NRG1: variants seen among roughly 807,000 people sequenced by gnomAD.
NRG1 encodes the protein neuregulin 1.
A neutral mutation model predicts 63.8 loss-of-function variants in NRG1; 18 were observed. The observed-to-expected ratio is 0.28, with a 90% CI of 0.19 to 0.42. NRG1 has a LOEUF of 0.42. Ranked by LOEUF, NRG1 falls within the 10% of genes least tolerant of loss-of-function variation. The pLI is 1.00. For synonymous variants in NRG1, 302 were observed against 301.3 expected (o/e 1.00, Z -0.02); for missense variants, 762 against 814.7 (o/e 0.94, Z 0.79).
intron 1 of NRG1, among the ~76,000 whole-genome samples, chr8:31,670,829 G>T (rs1807060029): frequency 6.6e-6 from 1 of 151,994 alleles, no homozygotes; most frequent in African/African-American, 2.4e-5. Context: ...TATGTTCAAG[G>T]GGGTGCATAT....
rs1264111970 is a variant in NRG1, at chr8:32,747,732, G to GTGTATATATATATATATATATA, written c.691+5000_691+5001insGTATATATATATATATATATAT. Among the ~76,000 whole-genome samples the GTGTATATATATATATATATATA allele has an allele frequency of 1.4e-3, 182 of 132,014 alleles. 1 individual carries two copies. Among genetic ancestry groups the GTGTATATATATATATATATATA allele is most frequent in the African/African-American group, 5.1e-3 (171 of 33,602 alleles). The allele number at this position is 132,014 out of a possible 152,430, so 86.6% of individuals were successfully genotyped here. On this transcript the variant is annotated intron_variant, in intron 7 of 11. Transcript: ENST00000356819. ...TGTTTGTGTGCATATATGTGTGTGTGTATATATATATATATATATATATAT... is the reference window on the plus strand; with the variant it reads ...TGTTTGTGTGCATATATGTGTGTGTGTGTATATATATATATATATATATATATATATATATATATATATATAT...
chr8:32,504,602 T>C (rs1056190930), intron 1 of NRG1, among the ~76,000 whole-genome samples: 2 of 152,114 alleles, frequency 1.3e-5, no homozygotes, highest in African/African-American at 4.8e-5. Flanking sequence ...TATTTTAAAA[T>C]TTAATTTATT....
chr8:32,391,308 A>G (rs1361979000), intron 1 of NRG1, among the ~76,000 whole-genome samples: 1 of 151,610 alleles, frequency 6.6e-6, no homozygotes, highest in African/African-American at 2.4e-5. Context: ...GGTTTTTTAA[A>G]TTTTTCATAG....
chr8:32,402,036 C>G (rs118007549), intron 1 of NRG1, among the ~76,000 whole-genome samples: 1 of 152,040 alleles, frequency 6.6e-6, no homozygotes, highest in African/African-American at 2.4e-5. Flanking sequence ...CTCAGTCACC[C>G]GAGTACCTGG....
chr8:32,007,747 C>T (rs1814016290), intron 1 of NRG1, among the ~76,000 whole-genome samples: 1 of 151,948 alleles, frequency 6.6e-6, no homozygotes, highest in Non-Finnish European at 1.5e-5. Context: ...TATTCACAGC[C>T]TCTGTGTTTT....
At chr8:32,140,483 G>A (rs1836105832) in intron 1 of NRG1, among the ~76,000 whole-genome samples, 1 of 149,386 alleles carries the variant, frequency 6.7e-6, no homozygotes, top group South Asian at 2.1e-4. Flanking sequence ...TTTTTTCTGA[G>A]AAAAGACCTC....
chr8:31,715,416 A>G (rs1174169834), intron 1 of NRG1, among the ~76,000 whole-genome samples: 14 of 152,198 alleles, frequency 9.2e-5, no homozygotes, highest in Admixed American at 9.2e-4. Flanking sequence ...ACTTGAATGC[A>G]TGGGCTGCTG....
At chr8:31,846,659 G>A (rs1765725225) in intron 1 of NRG1, among the ~76,000 whole-genome samples, 1 of 152,124 alleles carries the variant, frequency 6.6e-6, no homozygotes, top group Non-Finnish European at 1.5e-5. Flanking sequence ...GTGTCATAAG[G>A]GGAGTGCACA....
intron 1 of NRG1, among the ~76,000 whole-genome samples, chr8:32,060,282 T>C (rs963468803): frequency 2.0e-5 from 3 of 151,896 alleles, no homozygotes; most frequent in Non-Finnish European, 2.9e-5. Flanking sequence ...CTGCTTTTTT[T>C]TTTATCTAAT....
intron 1 of NRG1, among the ~76,000 whole-genome samples, chr8:32,011,828 C>T (rs369610188): frequency 3.3e-4 from 50 of 152,134 alleles, no homozygotes; most frequent in African/African-American, 9.6e-4. Context: ...AGATATTAAA[C>T]GAGACTTTTT....
chr8:32,689,782 A>T (rs1811117026), intron 5 of NRG1, among the ~76,000 whole-genome samples: 1 of 152,184 alleles, frequency 6.6e-6, no homozygotes, highest in African/African-American at 2.4e-5. Context: ...CATCGTTTTC[A>T]TAACCAAAAT....
chr8:32,737,966 C>T (rs904949548), intron 6 of NRG1, among the ~76,000 whole-genome samples: 1 of 152,132 alleles, frequency 6.6e-6, no homozygotes, highest in African/African-American at 2.4e-5. Context: ...AGCCACCACA[C>T]CTGGCCTGAA....
At chr8:32,332,543 A>G (rs920234521) in intron 1 of NRG1, among the ~76,000 whole-genome samples, 4 of 152,210 alleles carry the variant, frequency 2.6e-5, no homozygotes, top group Admixed American at 2.6e-4. Context: ...AAACACCTGT[A>G]TAGTTTCTAC....
chr8:32,346,548 T>C (rs1625650), intron 1 of NRG1, among the ~76,000 whole-genome samples: 151,153 of 151,156 alleles, frequency 1, 75,575 homozygotes, highest in Non-Finnish European at 1. Context: ...GAGGCATCTT[T>C]TGGGAAAAAA....
At chr8:32,469,293 A>G (rs942243224) in intron 1 of NRG1, among the ~76,000 whole-genome samples, 1 of 152,238 alleles carries the variant, frequency 6.6e-6, no homozygotes, top group Non-Finnish European at 1.5e-5. Flanking sequence ...TCACAACGCA[A>G]TGGAAACAGA....
intron 1 of NRG1, among the ~76,000 whole-genome samples, chr8:31,983,553 A>T (rs1586253758): frequency 1.3e-5 from 2 of 151,894 alleles, no homozygotes; most frequent in Non-Finnish European, 2.9e-5. Context: ...CTATTTTTTT[A>T]AATTTTTTTG....
intron 6 of NRG1, among the ~76,000 whole-genome samples, chr8:32,735,835 A>G (rs1326331253): frequency 6.6e-6 from 1 of 152,204 alleles, no homozygotes; most frequent in Non-Finnish European, 1.5e-5. Flanking sequence ...AAACACCGCC[A>G]CCCTCATTAT....
At chr8:32,727,366 A>T (rs1822475858) in intron 5 of NRG1, among the ~76,000 whole-genome samples, 1 of 152,222 alleles carries the variant, frequency 6.6e-6, no homozygotes, top group Non-Finnish European at 1.5e-5. Flanking sequence ...TAGAGTAGAA[A>T]AGAAATTTAG....
intron 1 of NRG1, among the ~76,000 whole-genome samples, chr8:32,303,183 C>CAAAAAAAAAAAAAAAAAAAAAAG (rs1563291349): frequency 1.7e-5 from 1 of 59,708 alleles, no homozygotes. Flanking sequence ...AACTCAGTCT[C>CAAAAAAAAAAAAAAAAAAAAAAG]CAAAAAAAAA....
Sources: gnomAD v4.1 joint callset for allele counts (sites outside exome capture counted in the v4.1 genomes callset) on GRCh38, gnomAD v4.1.1 for gene constraint, MANE v1.5 for transcripts, NCBI Gene and HGNC (gene_info 2026-07-23, HGNC 2026-07-21) for gene names.